The following BBS10 variants were observed in gnomAD, a reference collection of about 807,000 sequenced individuals.
BBS10 encodes the protein Bardet-Biedl syndrome 10, also known as BBSome complex assembly protein BBS10.
In BBS10, 13 loss-of-function variants were observed where a neutral mutation model predicts 12.7. The ratio of observed to expected loss-of-function variants is 1.03; its 90% CI spans 0.67 to 1.63. The LOEUF (loss-of-function observed/expected upper bound fraction) is 1.63, where lower values mean the gene tolerates loss of function less well. Among genes scored for constraint, BBS10 ranks in the 40% most tolerant of loss-of-function variants. The pLI is 0.00. For synonymous variants in BBS10, 294 were observed against 304.8 expected, an observed-to-expected ratio of 0.96 and a Z score of 0.37; for missense variants, 858 against 858.0, an observed-to-expected ratio of 1.00 and a Z score of 0.00.
At position 76,345,956 on chromosome 12, in the gene BBS10, C is replaced by T; in HGVS notation, c.2029G>A (p.Gly677Ser). 1 of 1,614,014 alleles carries T rather than the reference C, an allele frequency of 6.2e-7. No homozygotes were observed. The highest frequency in any genetic ancestry group is 2.2e-5 in the East Asian group (1 of 44,868). ...TATTTACCCATTACTGATTCCAAAC[C>T]TGTCTGACTGCTTACCAAGGGTTGA... ...TNQPLVSSQT[G>S]LESVMGKYQL... The change falls in exon 2 of 2, where the codon GGT becomes AGT. Residue 677 changes from glycine (G) to serine (S), a missense_variant. Coordinates refer to ENST00000650064, the MANE Select transcript of BBS10 (RefSeq NM_024685.4).
At position 76,348,149 on chromosome 12, in the gene BBS10, G is replaced by C. The variant is rs758349250; in HGVS notation, c.197+13C>G. On this transcript the variant is annotated intron_variant, in intron 1 of 1. Transcript: ENST00000650064. Reference sequence around the variant, plus strand: ...GGTGCCCGGCTACGGGTTAGCGTGTGGGACGCGGGTACCTGGCTATGGGAT... The same window carrying C: ...GGTGCCCGGCTACGGGTTAGCGTGTCGGACGCGGGTACCTGGCTATGGGAT... The C allele has an allele frequency of 6.9e-6, 11 of 1,601,414 alleles. No individual in the cohort carries two copies. The highest frequency in any genetic ancestry group is 1.7e-4 in the Middle Eastern group (1 of 6,004).
rs781723681 is a variant in BBS10 at position 76,347,170 on chromosome 12, C to G, written c.815G>C (p.Gly272Ala). The G allele has an allele frequency of 5.0e-6, 8 of 1,610,828 alleles. No individual in the cohort carries two copies. In the Admixed American group the frequency reaches 1.3e-4, roughly 27 times the overall value. Residue 272 changes from glycine (G) to alanine (A), a missense_variant, in exon 2 of 2, where the codon GGA becomes GCA. By Grantham distance (60) the Gly-to-Ala change is moderately conservative (BLOSUM62 0). Transcript: ENST00000650064. ...TTCTGAATTTAGAATAAACTCTGATCCAGAAGTGGAAAAAAGAGGCTGAAT... is the reference window on the plus strand; with the variant it reads ...TTCTGAATTTAGAATAAACTCTGATGCAGAAGTGGAAAAAAGAGGCTGAAT... ...ETIQPLFSTS[G>A]SEFILNSEAQ...
rs770880993 is a variant in BBS10 at position 76,346,345 on chromosome 12, G to T, written c.1640C>A (p.Ala547Asp). Residue 547 changes from alanine to aspartate, a missense_variant, in exon 2 of 2, where the codon GCT (alanine) becomes GAT (aspartate). Coordinates refer to ENST00000650064, the MANE Select transcript of BBS10 (RefSeq NM_024685.4). ...YEPLLKNNSTAYSTRGNRIEI... is the reference protein window; with the variant it reads ...YEPLLKNNSTDYSTRGNRIEI... Reference sequence around the variant, plus strand: ...TATTCTATTTCCCCTTGTTGAATAAGCAGTGGAATTGTTCTTGAGTAATGG... The same window carrying T: ...TATTCTATTTCCCCTTGTTGAATAATCAGTGGAATTGTTCTTGAGTAATGG... The T allele has an allele frequency of 9.9e-6, 16 of 1,613,972 alleles. No individual in the cohort carries two copies. The Admixed American group carries it at 2.3e-4, about 24-fold the overall frequency.
rs1361225928 is a variant in BBS10, at chr12:76,346,290, T to C, written c.1695A>G (p.Thr565=). 1.9e-6 allele frequency: 3 copies of C among 1,613,790 alleles called. No homozygotes were observed. The highest frequency in any genetic ancestry group is 2.5e-6 in the Non-Finnish European group (3 of 1,179,868). Residue 565 remains threonine (T), a synonymous_variant, in exon 2 of 2, where the codon ACA becomes ACG. Transcript: ENST00000650064. ...IEISYENLQV[T]NITRKGSMLP... ...ACATGCTTCCCTTTCTAGTAATATT[T>C]GTGACCTGTAAATTTTCGTAAGAAA...
chr12:76,347,885 T>C, intron 1 of BBS10, 98 bp from the exon 2 acceptor site: 1 of 1,331,412 alleles, frequency 7.5e-7, no homozygotes. Flanking sequence ...ATGAGAATAT[T>C]GTTCCTTGGA....
At position 76,347,518 on chromosome 12, in the gene BBS10, A is replaced by G. The variant is rs761190543; in HGVS notation, c.467T>C (p.Ile156Thr). The G allele has an allele frequency of 6.2e-7, 1 of 1,613,864 alleles. No individual in the cohort carries two copies. Among genetic ancestry groups the G allele is most frequent in the Non-Finnish European group, 8.5e-7 (1 of 1,180,026 alleles). The change falls in exon 2 of 2, where the codon ATC becomes ACC. Residue 156 changes from isoleucine (I) to threonine (T), a missense_variant. Physicochemically the swap from Ile to Thr is moderately conservative, Grantham distance 89 (BLOSUM62 -1). Transcript: ENST00000650064. ...DQYLSRHFLS[I>T]FSSAKERTLC... ...TGTTCTCTCTTTAGCAGACGAAAAG[A>G]TAGACAAAAAGTGTCTACTTAGGTA...
rs1951762732 is a variant in BBS10, at chr12:76,346,808, T to C, written c.1177A>G (p.Ile393Val). The change falls in exon 2 of 2, where the codon ATA (isoleucine) becomes GTA (valine). Residue 393 changes from isoleucine to valine, a missense_variant. By Grantham distance (29) the Ile-to-Val change is conservative. Transcript: ENST00000650064. ...HLGLISTCAF[I>V]PHSIVLCGPV... ...CCACAAAGAACTATAGAGTGTGGTA[T>C]AAATGCACATGTGCTTATCAAGCCT... 1 of 1,614,176 alleles carries C rather than the reference T, an allele frequency of 6.2e-7. No homozygotes were observed. Among genetic ancestry groups the C allele is most frequent in the Non-Finnish European group, 8.5e-7 (1 of 1,180,010 alleles).
rs753533283 is a variant in BBS10, at chr12:76,348,361, C to G, written c.-3G>C. On this transcript the variant is annotated 5_prime_UTR_variant, in exon 1 of 2. Coordinates refer to ENST00000650064, the MANE Select transcript of BBS10 (RefSeq NM_024685.4). ...GCAGCGGCCATAGAACTTAACATAT[C>G]TGGGCCGCTTCCCCTTTTTGACCAG... The G allele has an allele frequency of 1.3e-6, 2 of 1,577,044 alleles. No homozygotes were observed. Among genetic ancestry groups the G allele is most frequent in the Non-Finnish European group, 1.7e-6 (2 of 1,161,154 alleles).
Position 76,346,349 on chromosome 12 carries a change from T to C in BBS10, c.1636A>G (p.Thr546Ala). The C allele has an allele frequency of 6.2e-7, 1 of 1,614,022 alleles. No homozygotes were observed. The highest frequency in any genetic ancestry group is 1.3e-5 in the African/African-American group (1 of 75,034). ...CTATTTCCCCTTGTTGAATAAGCAG[T>C]GGAATTGTTCTTGAGTAATGGTTCA... ...YYEPLLKNNSTAYSTRGNRIE... is the reference protein window; with the variant it reads ...YYEPLLKNNSAAYSTRGNRIE... Residue 546 changes from threonine to alanine, a missense_variant, in exon 2 of 2, where the codon ACT (threonine) becomes GCT (alanine). Coordinates refer to ENST00000650064, the MANE Select transcript of BBS10 (RefSeq NM_024685.4).
At position 76,348,193 on chromosome 12, in the gene BBS10, C is replaced by A; in HGVS notation, c.166G>T (p.Glu56Ter). 1 of 1,613,296 alleles carries A rather than the reference C, an allele frequency of 6.2e-7. No individual in the cohort carries two copies. The highest frequency in any genetic ancestry group is 8.5e-7 in the Non-Finnish European group (1 of 1,179,408). The change falls in exon 1 of 2, where the codon GAG becomes TAG. Residue 56 changes from glutamate (E) to a stop codon, truncating the protein, a stop_gained. Transcript: ENST00000650064. LOFTEE classifies it low-confidence loss of function (END_TRUNC). ...ATGGGATGCTCTAAGTGTAGCGCCT[C>A]CAGGAGGCGGCCTCCATTCCGGCTG... ...LLSRNGGRLL[E>*]ALHLEHPIAR...
rs1951761390 is a variant in BBS10, at chr12:76,346,677, G to C, written c.1308C>G (p.Thr436=). The part of the protein sequence containing the change: ...KDLDLNYMTQ[T]NDQNGTSSLF... ...GACTTGAAGTGCCATTTTGGTCATT[G>C]GTTTGTGTCATGTAATTTAGATCAA... Residue 436 remains threonine (T), a synonymous_variant, in exon 2 of 2, where the codon ACC becomes ACG. Coordinates refer to ENST00000650064, the MANE Select transcript of BBS10 (RefSeq NM_024685.4). 2 of 1,613,928 alleles carry C rather than the reference G, an allele frequency of 1.2e-6. No individual in the cohort carries two copies. The highest frequency in any genetic ancestry group is 1.7e-5 in the Admixed American group (1 of 60,000).
rs1555202662 is a variant in BBS10 at position 76,347,022 on chromosome 12, A to G, written c.963T>C (p.Tyr321=). 5 of 1,612,852 alleles carry G rather than the reference A, an allele frequency of 3.1e-6. No individual in the cohort carries two copies. In the South Asian group the frequency reaches 4.4e-5, roughly 14 times the overall value. ...SSVKQPDLVS[Y]YAGVNGISVV... is the part of the protein sequence containing the mutation. ...CTGATATGCCATTCACCCCTGCATA[A>G]TAACTAACTAAATCTGGTTGTTTCA... The change falls in exon 2 of 2, where the codon TAT becomes TAC. Residue 321 remains tyrosine (Y), a synonymous_variant. Coordinates refer to ENST00000650064, the MANE Select transcript of BBS10 (RefSeq NM_024685.4).
chr12:76,347,149 G>C lies in BBS10; in HGVS notation c.836C>G (p.Ser279Ter). The C allele has an allele frequency of 6.2e-7, 1 of 1,611,322 alleles. No individual in the cohort carries two copies. The highest frequency in any genetic ancestry group is 1.3e-5 in the African/African-American group (1 of 75,012). Residue 279 changes from serine to a stop codon, truncating the protein, a stop_gained, in exon 2 of 2, where the codon TCA (serine) becomes TGA (stop). Transcript: ENST00000650064. LOFTEE classifies it low-confidence loss of function (END_TRUNC). ...STSGSEFILN[S>*]EAQFQTSQFW... ...TTGAGATGTCTGAAACTGTGCTTCT[G>C]AATTTAGAATAAACTCTGATCCAGA...
At position 76,347,355 on chromosome 12, in the gene BBS10, T is replaced by A. The variant is rs759791957; in HGVS notation, c.630A>T (p.Val210=). The A allele has an allele frequency of 1.2e-6, 2 of 1,614,044 alleles. No individual in the cohort carries two copies. Among genetic ancestry groups the A allele is most frequent in the African/African-American group, 1.3e-5 (1 of 75,036 alleles). ...KCMTCKSGIG[V]FELVDDHFVE... ...CAAAATGGTCATCCACTAACTCAAA[T>A]ACACCAATCCCACTTTTACAAGTCA... The change falls in exon 2 of 2, where the codon GTA becomes GTT. Residue 210 remains valine, a synonymous_variant. Coordinates refer to ENST00000650064, the MANE Select transcript of BBS10 (RefSeq NM_024685.4).
In BBS10 at chr12:76,346,030, T is replaced by C; in HGVS notation, c.1955A>G (p.Tyr652Cys). Residue 652 changes from tyrosine (Y) to cysteine (C), a missense_variant, in exon 2 of 2, where the codon TAC becomes TGC. Tyr to Cys is a radical substitution (Grantham distance 194, BLOSUM62 -2). Transcript: ENST00000650064. ...KVLYKSKTGK[Y>C]SFPHTYIRAV... ...TCTTATATATGTATGTGGAAAGCTGTACTTTCCTGTTTTAGATTTATAAAG... is the reference window on the plus strand; with the variant it reads ...TCTTATATATGTATGTGGAAAGCTGCACTTTCCTGTTTTAGATTTATAAAG... 6.2e-7 allele frequency: 1 copy of C among 1,613,926 alleles called. No individual in the cohort carries two copies. The highest frequency in any genetic ancestry group is 1.3e-5 in the African/African-American group (1 of 75,062).
chr12:76,346,672 T>G lies in BBS10; in HGVS notation c.1313A>C (p.Asp438Ala). ...LDLNYMTQTN[D>A]QNGTSSLFIY... Reference sequence around the variant, plus strand: ...AAAAAGACTTGAAGTGCCATTTTGGTCATTGGTTTGTGTCATGTAATTTAG... The same window carrying G: ...AAAAAGACTTGAAGTGCCATTTTGGGCATTGGTTTGTGTCATGTAATTTAG... Residue 438 changes from aspartate to alanine, a missense_variant, in exon 2 of 2, where the codon GAC becomes GCC. Transcript: ENST00000650064. The G allele has an allele frequency of 6.2e-7, 1 of 1,614,096 alleles. No homozygotes were observed. The highest frequency in any genetic ancestry group is 1.1e-5 in the South Asian group (1 of 91,076).
In BBS10 at chr12:76,347,487, ACACAATGTTCTCTCTT is replaced by A; in HGVS notation, c.482_497del (p.Lys161IlefsTer5). On this transcript the variant is annotated frameshift_variant, in exon 2 of 2. Coordinates refer to ENST00000650064, the MANE Select transcript of BBS10 (RefSeq NM_024685.4). LOFTEE classifies it low-confidence loss of function (END_TRUNC). Reference sequence around the variant, plus strand: ...CTAAGAGCAACTCTAAAGAGCTCCTACACAATGTTCTCTCTTTAGCAGACGAAAAGATAGACAAAAA... The same window carrying A: ...CTAAGAGCAACTCTAAAGAGCTCCTATAGCAGACGAAAAGATAGACAAAAA... 6.2e-7 allele frequency: 1 copy of A among 1,613,854 alleles called. No individual in the cohort carries two copies. The highest frequency in any genetic ancestry group is 1.3e-5 in the African/African-American group (1 of 75,042).
rs1356713858 is a variant in BBS10 at position 76,346,578 on chromosome 12, A to C, written c.1407T>G (p.Tyr469Ter). 1 of 1,614,028 alleles carries C rather than the reference A, an allele frequency of 6.2e-7. No homozygotes were observed. The highest frequency in any genetic ancestry group is 8.5e-7 in the Non-Finnish European group (1 of 1,180,012). The change falls in exon 2 of 2, where the codon TAT (tyrosine) becomes TAG (stop). Residue 469 changes from tyrosine to a stop codon, truncating the protein, a stop_gained. Transcript: ENST00000650064. LOFTEE classifies it low-confidence loss of function (END_TRUNC). ...CTTTGTTCTCTGCAACTGTGTCCTG[A>C]TAAGGCCTTTGTATTGAGCCATTAC... ...DPGNGSIQRP[Y>*]QDTVAENKDA...
At position 76,346,573 on chromosome 12, in the gene BBS10, T is replaced by A. The variant is rs200718870; in HGVS notation, c.1412A>T (p.Asp471Val). The change falls in exon 2 of 2, where the codon GAC becomes GTC. Residue 471 changes from aspartate (D) to valine (V), a missense_variant. Asp to Val is a radical substitution (Grantham distance 152). Coordinates refer to ENST00000650064, the MANE Select transcript of BBS10 (RefSeq NM_024685.4). ...GNGSIQRPYQ[D>V]TVAENKDALE... ...TGCATCTTTGTTCTCTGCAACTGTG[T>A]CCTGATAAGGCCTTTGTATTGAGCC... is the stretch of plus-strand genomic sequence containing the variant. The A allele has an allele frequency of 4.2e-5, 67 of 1,614,152 alleles. No homozygotes were observed. The East Asian group carries it at 1.2e-3, about 29-fold the overall frequency.
Sources: allele counts gnomAD v4.1 joint callset, GRCh38; gene constraint gnomAD v4.1.1; transcripts MANE v1.5; gene names NCBI Gene and HGNC (gene_info 2026-07-23, HGNC 2026-07-21).